PPP2R3C: variants seen among roughly 807,000 people sequenced by gnomAD.
PPP2R3C encodes protein phosphatase 2 regulatory subunit B''gamma, also known as serine/threonine-protein phosphatase 2A regulatory subunit B'' subunit gamma.
In PPP2R3C, 47 loss-of-function variants were observed where a neutral mutation model predicts 63.7. The ratio of observed to expected loss-of-function variants is 0.74; its 90% CI spans 0.58 to 0.94. PPP2R3C has a LOEUF of 0.94. Among genes scored for constraint, PPP2R3C ranks in the 40% least tolerant of loss-of-function variants. PPP2R3C has a pLI of 0.00. For synonymous variants in PPP2R3C, 180 were observed against 177.4 expected (o/e 1.01, Z -0.12); for missense variants, 421 against 518.4 (o/e 0.81, Z 1.82).
At chr14:35,112,785 A>T (rs1006110259) in intron 2 of PPP2R3C, 2 of 152,162 alleles carry the variant, frequency 1.3e-5, no homozygotes, top group African/African-American at 4.8e-5. Context: ...TGCTAGCTAA[A>T]AGCTTCATCT....
At chr14:35,110,157 A>G (rs1279165050) in intron 3 of PPP2R3C, 1 of 477,410 alleles carries the variant, frequency 2.1e-6, no homozygotes, top group Non-Finnish European at 3.7e-6. Flanking sequence ...CATCTCTATG[A>G]TATAGTTAGC....
At chr14:35,095,851 C>CCAA (rs2045981230) in intron 9 of PPP2R3C, among the ~76,000 whole-genome samples, 1 of 41,132 alleles carries the variant, frequency 2.4e-5, no homozygotes, top group African/African-American at 1.0e-4. Context: ...ACTCTATCTC[C>CCAA]AAAAAAAAAA....
chr14:35,110,847 G>A, intron 2 of PPP2R3C: 1 of 470,492 alleles, frequency 2.1e-6, no homozygotes, highest in Non-Finnish European at 3.8e-6. Context: ...CTAAAAGCTA[G>A]TCTAGACCAA....
chr14:35,110,480 T>G, intron 3 of PPP2R3C, 45 bp downstream of exon 3: 130 of 1,300,026 alleles, frequency 1.0e-4, no homozygotes, highest in Non-Finnish European at 1.3e-4. Context: ...GTAGCACAAA[T>G]GAGAAATGGT....
intron 4 of PPP2R3C, among the ~76,000 whole-genome samples, chr14:35,109,287 C>T (rs1478584596): frequency 6.6e-6 from 1 of 151,994 alleles, no homozygotes; most frequent in African/African-American, 2.4e-5. Flanking sequence ...GTTCTCTTGA[C>T]CTCGTGATCC....
chr14:35,112,107 C>G (rs180869614), intron 2 of PPP2R3C, among the ~76,000 whole-genome samples: 6 of 152,242 alleles, frequency 3.9e-5, no homozygotes, highest in African/African-American at 1.2e-4. Context: ...GGAAAGCATG[C>G]CTGTTGAGAT....
intron 1 of PPP2R3C, among the ~76,000 whole-genome samples, chr14:35,117,501 ACT>A: frequency 6.6e-6 from 1 of 152,146 alleles, no homozygotes; most frequent in African/African-American, 2.4e-5. Flanking sequence ...GCTCAAATAT[ACT>A]CTCAGATCAT....
At chr14:35,091,517 G>A (rs2045817801) in intron 10 of PPP2R3C, among the ~76,000 whole-genome samples, 1 of 151,444 alleles carries the variant, frequency 6.6e-6, no homozygotes, top group Non-Finnish European at 1.5e-5. Flanking sequence ...ACAGGCATGT[G>A]CCACCATGCC....
Position 35,096,646 on chromosome 14 carries a change from A to G in PPP2R3C, c.763-13T>C, listed in dbSNP as rs756747790. The G allele has an allele frequency of 3.1e-6, 5 of 1,612,508 alleles. No individual in the cohort carries two copies. In the Admixed American group the frequency reaches 6.7e-5, roughly 22 times the overall value. ...CCTCATCCCTTAGCTAATGGAACACAAAGACATAATTAGAAGATAGCAACT... is the reference window on the plus strand; with the variant it reads ...CCTCATCCCTTAGCTAATGGAACACGAAGACATAATTAGAAGATAGCAACT... On this transcript the variant is annotated splice_polypyrimidine_tract_variant and intron_variant, in intron 8 of 12. Transcript: ENST00000261475.
intron 12 of PPP2R3C, chr14:35,087,204 A>C (rs1168716501): frequency 6.6e-6 from 1 of 152,210 alleles, no homozygotes; most frequent in East Asian, 1.9e-4. Flanking sequence ...AGATATTTAC[A>C]GGGAATTAGT....
At chr14:35,110,310 T>G in intron 3 of PPP2R3C, 1 of 498,260 alleles carries the variant, frequency 2.0e-6, no homozygotes, top group Non-Finnish European at 3.5e-6. Context: ...TAGAATCACC[T>G]AGGGCCTTAA....
At chr14:35,105,268 C>T (rs571740970) in intron 6 of PPP2R3C, among the ~76,000 whole-genome samples, 1 of 151,856 alleles carries the variant, frequency 6.6e-6, no homozygotes, top group East Asian at 1.9e-4. Context: ...CTGCAACCTC[C>T]ACCTCCTGGG....
At chr14:35,090,187 G>A (rs982675825) in intron 11 of PPP2R3C, among the ~76,000 whole-genome samples, 2 of 150,358 alleles carry the variant, frequency 1.3e-5, no homozygotes, top group Non-Finnish European at 3.0e-5. Context: ...AAGCAGTTCA[G>A]AAAAGGTAGC....
chr14:35,110,136 T>C (rs2046502980), intron 3 of PPP2R3C: 4 of 505,536 alleles, frequency 7.9e-6, no homozygotes, highest in Non-Finnish European at 1.0e-5. Flanking sequence ...ATACACTGCC[T>C]CTTTAATCCA....
rs1483979016 is a variant in PPP2R3C at position 35,117,162 on chromosome 14, T to C, written c.59-425A>G. Reference sequence around the variant, plus strand: ...ACCTCATGGAGTTTCAGCCTCATAATCACTGTTTCTCTACCTAATGTAGAG... The same window carrying C: ...ACCTCATGGAGTTTCAGCCTCATAACCACTGTTTCTCTACCTAATGTAGAG... On this transcript the variant is annotated intron_variant, in intron 1 of 12. Coordinates refer to ENST00000261475, the MANE Select transcript of PPP2R3C (RefSeq NM_017917.4). The C allele has an allele frequency of 1.3e-5, 6 of 455,664 alleles. No homozygotes were observed. The East Asian group carries it at 4.2e-4, about 32-fold the overall frequency. The allele number at this position is 455,664 out of a possible 1,614,324, so 28.2% of individuals were successfully genotyped here.
chr14:35,089,666 A>AT lies in PPP2R3C; in HGVS notation c.1113+1403dup, dbSNP rs5807810. 2.0e-4 allele frequency among the ~76,000 whole-genome samples: 30 copies of AT among 147,950 alleles called. 1 individual carries two copies. The highest frequency in any genetic ancestry group is 3.5e-3 in the Middle Eastern group (1 of 288). On this transcript the variant is annotated intron_variant, in intron 11 of 12. Coordinates refer to ENST00000261475, the MANE Select transcript of PPP2R3C (RefSeq NM_017917.4). ...ACCATGCCTGGGGTATGATTTTTTA[A>AT]TTTTTTTTTTTCTTTTTGAGACTCA...
intron 7 of PPP2R3C, 82 bp from the exon 8 acceptor site, chr14:35,096,846 A>C: frequency 8.2e-7 from 1 of 1,225,326 alleles, no homozygotes; most frequent in Non-Finnish European, 1.1e-6. Context: ...TTTTTTAACA[A>C]GAGCAATCAC....
intron 1 of PPP2R3C, among the ~76,000 whole-genome samples, chr14:35,120,897 C>T (rs974624443): frequency 2.0e-5 from 3 of 151,992 alleles, no homozygotes; most frequent in Admixed American, 2.0e-4. Context: ...AGCAATACTT[C>T]ACTGCGCCGC....
chr14:35,088,915 T>C (rs746669616), intron 11 of PPP2R3C, among the ~76,000 whole-genome samples: 6 of 152,222 alleles, frequency 3.9e-5, no homozygotes, highest in Non-Finnish European at 7.3e-5. Flanking sequence ...CAATTTAATA[T>C]TCTAAGAGTA....
Sources: allele counts gnomAD v4.1 joint callset (sites outside exome capture counted in the v4.1 genomes callset), GRCh38; gene constraint gnomAD v4.1.1; transcripts MANE v1.5; gene names NCBI Gene and HGNC (gene_info 2026-07-23, HGNC 2026-07-21).